The following DOCK4 variants were observed in gnomAD, a reference collection of about 807,000 sequenced individuals.
The protein encoded by DOCK4 is dedicator of cytokinesis protein 4.
Under a neutral mutation model 268.1 loss-of-function variants are expected in DOCK4, and 97 were observed. The ratio of observed to expected loss-of-function variants is 0.36; its 90% confidence interval spans 0.31 to 0.43. The LOEUF is 0.43. Ranked by LOEUF, DOCK4 falls within the 20% of genes least tolerant of loss-of-function variation. The pLI is 1.00. For missense variants in DOCK4, 2,145 were observed against 2,455.7 expected, an observed-to-expected ratio of 0.87 and a Z score of 2.67; for synonymous variants, 954 against 887.2, an observed-to-expected ratio of 1.08 and a Z score of -1.34.
chr7:112,095,907 C>G (rs1185265758), intron 1 of DOCK4, among the ~76,000 whole-genome samples: 2 of 151,970 alleles, frequency 1.3e-5, no homozygotes, highest in Non-Finnish European at 2.9e-5. Context: ...CAAGGAGAAA[C>G]CCTGTCTCTA....
At chr7:111,915,260 G>A (rs967267980) in intron 13 of DOCK4, among the ~76,000 whole-genome samples, 1 of 152,138 alleles carries the variant, frequency 6.6e-6, no homozygotes, top group South Asian at 2.1e-4. Flanking sequence ...AATTTTGGGG[G>A]CACTAATATA....
At chr7:111,751,215 T>G (rs1295875605) in intron 42 of DOCK4, among the ~76,000 whole-genome samples, 1 of 152,110 alleles carries the variant, frequency 6.6e-6, no homozygotes, top group Non-Finnish European at 1.5e-5. Flanking sequence ...TTACAAGGAA[T>G]ACAGGTGACA....
intron 2 of DOCK4, among the ~76,000 whole-genome samples, chr7:112,001,455 A>G (rs1265971491): frequency 3.3e-5 from 5 of 152,120 alleles, no homozygotes; most frequent in Non-Finnish European, 7.4e-5. Flanking sequence ...TACCAGATTG[A>G]GGATCACAGT....
intron 1 of DOCK4, among the ~76,000 whole-genome samples, chr7:112,135,584 A>G (rs1229281328): frequency 6.6e-6 from 1 of 152,188 alleles, no homozygotes; most frequent in Non-Finnish European, 1.5e-5. Context: ...CCAAGCATTC[A>G]GTATTACATC....
chr7:111,887,504 G>A (rs10255299), intron 16 of DOCK4, among the ~76,000 whole-genome samples: 16,165 of 152,100 alleles, frequency 0.11, 1,063 homozygotes, highest in African/African-American at 0.19. Context: ...GGAGCACATC[G>A]TCAGGCCAAG....
intron 1 of DOCK4, among the ~76,000 whole-genome samples, chr7:112,043,432 A>G (rs1374763593): frequency 1.3e-5 from 2 of 152,226 alleles, no homozygotes; most frequent in Non-Finnish European, 2.9e-5. Flanking sequence ...TAAACACACA[A>G]CAATGAGATG....
chr7:111,784,584 T>G, intron 32 of DOCK4: 2 of 414,560 alleles, frequency 4.8e-6, no homozygotes, highest in Non-Finnish European at 9.7e-6. Flanking sequence ...TTCCATGTGG[T>G]TGTTACAGCA....
chr7:112,073,772 G>T (rs1225448339), intron 1 of DOCK4, among the ~76,000 whole-genome samples: 11 of 152,128 alleles, frequency 7.2e-5, no homozygotes, highest in Admixed American at 7.2e-4. Flanking sequence ...TGGGGGAGGA[G>T]GGTACTGGGA....
chr7:111,963,016 G>T (rs7777897), intron 8 of DOCK4, among the ~76,000 whole-genome samples: 43,588 of 152,044 alleles, frequency 0.29, 7,737 homozygotes, highest in African/African-American at 0.51. Context: ...CAGGTCATAT[G>T]AAATATATTC....
intron 27 of DOCK4, 129 bp from the exon 28 acceptor site, chr7:111,812,078 T>G: frequency 2.0e-6 from 1 of 500,834 alleles, no homozygotes; most frequent in East Asian, 3.4e-5. Flanking sequence ...ATTAAATAAT[T>G]CATATTTGAA....
intron 16 of DOCK4, among the ~76,000 whole-genome samples, chr7:111,892,666 A>G (rs932957088): frequency 6.6e-6 from 1 of 152,104 alleles, no homozygotes; most frequent in African/African-American, 2.4e-5. Context: ...TTCTCTCTCC[A>G]CGTTTCTTTT....
At chr7:112,102,538 T>C (rs1261189679) in intron 1 of DOCK4, among the ~76,000 whole-genome samples, 2 of 152,064 alleles carry the variant, frequency 1.3e-5, no homozygotes, top group Non-Finnish European at 2.9e-5. Flanking sequence ...GCTGTAAGAG[T>C]AGAGTCGTCA....
intron 3 of DOCK4, 87 bp from the exon 4 acceptor site, chr7:111,998,590 A>G: frequency 3.3e-6 from 3 of 909,344 alleles, no homozygotes; most frequent in Non-Finnish European, 4.9e-6. Context: ...CAGCCATACA[A>G]CCATGACAAC....
rs573846927 is a variant in DOCK4, at chr7:112,119,849, CT to C, written c.37+86252del. 2.0e-3 allele frequency among the ~76,000 whole-genome samples: 280 copies of C among 142,030 alleles called. 1 individual carries two copies. Among genetic ancestry groups the C allele is most frequent in the East Asian group, 2.8e-3 (14 of 4,916 alleles). 93.2% of individuals were successfully genotyped at this position (142,030 alleles called of 152,430 possible). On this transcript the variant is annotated intron_variant, in intron 1 of 52. Coordinates refer to ENST00000428084, the MANE Select transcript of DOCK4 (RefSeq NM_001363540.2). ...TAGTGCTCAATAAATGGGTAGATGGCTTTTTTTTTTTTTTCCGAGATGGAGT... is the reference window on the plus strand; with the variant it reads ...TAGTGCTCAATAAATGGGTAGATGGCTTTTTTTTTTTTTCCGAGATGGAGT...
At chr7:111,930,834 T>A (rs987891774) in intron 12 of DOCK4, among the ~76,000 whole-genome samples, 57 of 152,172 alleles carry the variant, frequency 3.7e-4, no homozygotes, top group African/African-American at 1.3e-3. Flanking sequence ...AGGATATAGA[T>A]CAAGGGGATA....
At chr7:111,936,820 AT>A (rs1220701313) in intron 11 of DOCK4, among the ~76,000 whole-genome samples, 23 of 152,104 alleles carry the variant, frequency 1.5e-4, no homozygotes, top group African/African-American at 5.3e-4. Flanking sequence ...ATTTTTATTT[AT>A]TTTATTGCCA....
intron 27 of DOCK4, among the ~76,000 whole-genome samples, chr7:111,818,409 C>T (rs1225580810): frequency 3.3e-5 from 5 of 151,606 alleles, no homozygotes; most frequent in Admixed American, 6.5e-5. Context: ...TGCTACTCCT[C>T]TTTCCATTTT....
intron 1 of DOCK4, among the ~76,000 whole-genome samples, chr7:112,107,383 A>G (rs1811228361): frequency 6.6e-6 from 1 of 152,222 alleles, no homozygotes; most frequent in Non-Finnish European, 1.5e-5. Context: ...AGAAGAGGAA[A>G]AGACACTAGG....
intron 1 of DOCK4, among the ~76,000 whole-genome samples, chr7:112,189,752 T>TTTG (rs1554475283): frequency 3.4e-5 from 4 of 116,788 alleles, no homozygotes; most frequent in African/African-American, 1.3e-4. Context: ...TTTTGTTTTT[T>TTTG]TTTTTTTTTT....
Sources: allele counts gnomAD v4.1 joint callset (sites outside exome capture counted in the v4.1 genomes callset), GRCh38; gene constraint gnomAD v4.1.1; transcripts MANE v1.5; gene names NCBI Gene and HGNC (gene_info 2026-07-23, HGNC 2026-07-21).